The following CFAP300 variants were observed in gnomAD, a reference collection of about 807,000 sequenced individuals.
CFAP300 encodes the protein cilia- and flagella-associated protein 300.
A neutral mutation model predicts 33.0 loss-of-function variants in CFAP300; 32 were observed. The ratio of observed to expected loss-of-function variants is 0.97; its 90% CI spans 0.73 to 1.30. The LOEUF (loss-of-function observed/expected upper bound fraction) is 1.30. CFAP300 is among the 50% of genes most tolerant of loss of function. The pLI is 0.00. For synonymous variants in CFAP300, 102 were observed against 106.8 expected (o/e 0.95, Z 0.28); for missense variants, 356 against 318.1 (o/e 1.12, Z -0.90).
At chr11:102,076,488 T>A (rs944450642) in intron 5 of CFAP300, among the ~76,000 whole-genome samples, 1 of 152,242 alleles carries the variant, frequency 6.6e-6, no homozygotes, top group Non-Finnish European at 1.5e-5. Context: ...TTCAAATTAA[T>A]CCCAGTGCTT....
chr11:102,081,583 T>C (rs1411134344), intron 6 of CFAP300: 4 of 440,852 alleles, frequency 9.1e-6, no homozygotes, highest in Non-Finnish European at 1.2e-5. Flanking sequence ...CCATCATTTA[T>C]AGGGCAGATA....
At chr11:102,059,510 G>A (rs142208334) in intron 3 of CFAP300, among the ~76,000 whole-genome samples, 191 of 152,108 alleles carry the variant, frequency 1.3e-3, no homozygotes, top group African/African-American at 4.3e-3. Flanking sequence ...TTAGCCAGGC[G>A]TGGTGGCGAG....
Position 102,075,956 on chromosome 11 carries a change from T to A in CFAP300, c.519T>A (p.His173Gln). 1 of 1,613,982 alleles carries A rather than the reference T, an allele frequency of 6.2e-7. No individual in the cohort carries two copies. The change falls in exon 5 of 7, where the codon CAT becomes CAA. Residue 173 changes from histidine to glutamine, a missense_variant. Coordinates refer to ENST00000434758, the MANE Select transcript of CFAP300 (RefSeq NM_032930.3). ...REEFLFCLFK[H>Q]LCLGGALCQY... ...AGTTCCTGTTTTGTCTTTTCAAACA[T>A]CTTTGCCTTGGTGGAGCCCTTTGTC...
chr11:102,060,554 A>T (rs1246205351), intron 3 of CFAP300, among the ~76,000 whole-genome samples: 1 of 152,188 alleles, frequency 6.6e-6, no homozygotes, highest in Non-Finnish European at 1.5e-5. Flanking sequence ...CAAGGAAGAA[A>T]GCAGAGTTAA....
At chr11:102,076,301 G>T (rs1355858258) in intron 5 of CFAP300, among the ~76,000 whole-genome samples, 1 of 151,784 alleles carries the variant, frequency 6.6e-6, no homozygotes, top group Non-Finnish European at 1.5e-5. Context: ...ATTCAGACCT[G>T]TTACAAACTG....
chr11:102,080,066 G>A (rs1356643536), intron 5 of CFAP300, among the ~76,000 whole-genome samples: 2 of 152,122 alleles, frequency 1.3e-5, no homozygotes, highest in East Asian at 3.8e-4. Flanking sequence ...AGGATCTCTT[G>A]AGGCCAGGGT....
chr11:102,073,818 T>TG (rs1235325097), intron 4 of CFAP300, among the ~76,000 whole-genome samples: 2 of 152,020 alleles, frequency 1.3e-5, no homozygotes, highest in Non-Finnish European at 2.9e-5. Flanking sequence ...ACCAAGGGAA[T>TG]GGGGGGTACA....
At chr11:102,068,919 G>T (rs1239340297) in intron 4 of CFAP300, among the ~76,000 whole-genome samples, 1 of 152,108 alleles carries the variant, frequency 6.6e-6, no homozygotes, top group African/African-American at 2.4e-5. Context: ...CCTCCTTTTG[G>T]ATACTACTGT....
intron 2 of CFAP300, among the ~76,000 whole-genome samples, chr11:102,057,377 A>G (rs1250837788): frequency 6.6e-6 from 1 of 151,570 alleles, no homozygotes; most frequent in Non-Finnish European, 1.5e-5. Context: ...CTTTCGTTCC[A>G]TGCACCAGCA....
At chr11:102,077,211 A>C (rs1942408230) in intron 5 of CFAP300, among the ~76,000 whole-genome samples, 4 of 152,156 alleles carry the variant, frequency 2.6e-5, no homozygotes. Flanking sequence ...GTGGAGGAGG[A>C]GATTGTGTTG....
Position 102,048,037 on chromosome 11 carries a change from A to AT in CFAP300, c.192+148dup, listed in dbSNP as rs911225484. Reference sequence around the variant, plus strand: ...TTGGGAGTAATAAAAGGTGCAAATGATTTTTTTAAAGGAACTTTTACGTTT... The same window carrying AT: ...TTGGGAGTAATAAAAGGTGCAAATGATTTTTTTTAAAGGAACTTTTACGTTT... On this transcript the variant is annotated intron_variant, in intron 2 of 6. Transcript: ENST00000434758. 49 of 735,786 alleles carry AT rather than the reference A, an allele frequency of 6.7e-5. No homozygotes were observed. The African/African-American group carries it at 7.8e-4, about 12-fold the overall frequency. The allele number at this position is 735,786 out of a possible 1,614,324, so 45.6% of individuals were successfully genotyped here.
At chr11:102,072,556 G>A (rs1384283845) in intron 4 of CFAP300, among the ~76,000 whole-genome samples, 1 of 151,904 alleles carries the variant, frequency 6.6e-6, no homozygotes, top group Non-Finnish European at 1.5e-5. Flanking sequence ...ACCCACCTCA[G>A]CCTCCCAAAG....
intron 2 of CFAP300, among the ~76,000 whole-genome samples, 177 bp downstream of exon 2, chr11:102,048,073 A>G (rs942732260): frequency 6.6e-6 from 1 of 152,178 alleles, no homozygotes; most frequent in African/African-American, 2.4e-5. Flanking sequence ...CGAATCAGTC[A>G]TCATAAATTT....
intron 4 of CFAP300, among the ~76,000 whole-genome samples, chr11:102,069,636 C>T (rs1591323001): frequency 6.6e-6 from 1 of 152,016 alleles, no homozygotes; most frequent in Non-Finnish European, 1.5e-5. Context: ...AAACCAGACT[C>T]TATTAAAAAT....
intron 5 of CFAP300, among the ~76,000 whole-genome samples, chr11:102,078,764 A>G: frequency 6.6e-6 from 1 of 152,100 alleles, no homozygotes; most frequent in East Asian, 1.9e-4. Flanking sequence ...GCTGGAATGC[A>G]GTGGTGCAAT....
Position 102,066,482 on chromosome 11 carries a change from C to T in CFAP300, c.269-3C>T. Reference sequence around the variant, plus strand: ...CCATTCTTTATAAAATATCTTTTTTCAGGAACTGAAGTGAAAAAAATTGAA... The same window carrying T: ...CCATTCTTTATAAAATATCTTTTTTTAGGAACTGAAGTGAAAAAAATTGAA... On this transcript the variant is annotated splice_polypyrimidine_tract_variant and splice_region_variant and intron_variant, in intron 3 of 6. Transcript: ENST00000434758. 6.4e-7 allele frequency: 1 copy of T among 1,562,062 alleles called. No homozygotes were observed. Among genetic ancestry groups the T allele is most frequent in the Non-Finnish European group, 8.6e-7 (1 of 1,156,784 alleles).
chr11:102,052,291 G>A (rs1591313400), intron 2 of CFAP300, among the ~76,000 whole-genome samples: 1 of 152,190 alleles, frequency 6.6e-6, no homozygotes, highest in Admixed American at 6.5e-5. Flanking sequence ...TTTTTTAAGA[G>A]ATTCTTTCAG....
chr11:102,081,798 G>A (rs1248354508), intron 6 of CFAP300, among the ~76,000 whole-genome samples: 1 of 151,450 alleles, frequency 6.6e-6, no homozygotes, highest in African/African-American at 2.4e-5. Flanking sequence ...GGCTGAGGCA[G>A]GAGAATTGCT....
rs148852876 is a variant in CFAP300 at position 102,084,206 on chromosome 11, T to C, written c.*1007T>C. ...TTCCTTATTTCATTCATAGAATGAA[T>C]GTATAACCTAGATTGTTTTTGGTTT... On this transcript the variant is annotated 3_prime_UTR_variant, in exon 7 of 7. Coordinates refer to ENST00000434758, the MANE Select transcript of CFAP300 (RefSeq NM_032930.3). 5.3e-4 allele frequency: 81 copies of C among 152,334 alleles called. No homozygotes were observed. The highest frequency in any genetic ancestry group is 1.8e-3 in the African/African-American group (76 of 41,582). The allele number at this position is 152,334 out of a possible 1,614,324, so 9.4% of individuals were successfully genotyped here. A position where few individuals can be genotyped will look rare whatever the true frequency, so the allele number is the denominator to read the frequency against.
Sources: gnomAD v4.1 joint callset for allele counts (sites outside exome capture counted in the v4.1 genomes callset) on GRCh38, gnomAD v4.1.1 for gene constraint, MANE v1.5 for transcripts, NCBI Gene and HGNC (gene_info 2026-07-23, HGNC 2026-07-21) for gene names.